The following BLOC1S5 variants were observed in gnomAD, a reference collection of about 807,000 sequenced individuals.
The protein encoded by BLOC1S5 is biogenesis of lysosomal organelles complex 1 subunit 5, also known as biogenesis of lysosome-related organelles complex 1 subunit 5.
BLOC1S5 carries 27 observed loss-of-function variants against 24.3 expected under a neutral mutation model. The observed-to-expected ratio is 1.11, with a 90% CI of 0.82 to 1.53. The LOEUF (loss-of-function observed/expected upper bound fraction) is 1.53. Ranked by LOEUF, BLOC1S5 falls within the 40% of genes most tolerant of loss-of-function variation. BLOC1S5 has a pLI of 0.00. For synonymous variants in BLOC1S5, 84 were observed against 74.5 expected (o/e 1.13, Z -0.66); for missense variants, 239 against 229.4 (o/e 1.04, Z -0.27).
At chr6:8,022,645 C>A (rs190489204) in intron 4 of BLOC1S5, among the ~76,000 whole-genome samples, 2 of 124,208 alleles carry the variant, frequency 1.6e-5, no homozygotes, top group Non-Finnish European at 3.1e-5. Context: ...AGTGCAGTGG[C>A]GGGATCTCGG....
chr6:8,054,660 A>AT (rs1216027418), intron 2 of BLOC1S5, among the ~76,000 whole-genome samples: 1 of 152,194 alleles, frequency 6.6e-6, no homozygotes, highest in Non-Finnish European at 1.5e-5. Flanking sequence ...GGACTTAGCC[A>AT]TTTTGTCTGG....
chr6:8,050,467 G>A (rs1764068392), intron 2 of BLOC1S5, among the ~76,000 whole-genome samples: 1 of 152,022 alleles, frequency 6.6e-6, no homozygotes, highest in Admixed American at 6.6e-5. Flanking sequence ...TAAATAAAGA[G>A]TCATAAATCT....
intron 4 of BLOC1S5, among the ~76,000 whole-genome samples, chr6:8,024,377 T>C (rs1288133795): frequency 1.3e-5 from 2 of 151,612 alleles, no homozygotes; most frequent in Non-Finnish European, 2.9e-5. Context: ...AATACAAAAA[T>C]TAGCTAGGAT....
chr6:8,046,145 C>T (rs974159367), intron 2 of BLOC1S5, among the ~76,000 whole-genome samples: 1 of 152,202 alleles, frequency 6.6e-6, no homozygotes, highest in African/African-American at 2.4e-5. Context: ...CCATACTATT[C>T]TCATGACAGT....
chr6:8,020,758 T>C (rs930206872), intron 4 of BLOC1S5, among the ~76,000 whole-genome samples: 2 of 152,186 alleles, frequency 1.3e-5, no homozygotes, highest in Non-Finnish European at 2.9e-5. Flanking sequence ...TAAAATGACT[T>C]GGAAACTGCC....
At chr6:8,053,401 A>G (rs1764198290) in intron 2 of BLOC1S5, among the ~76,000 whole-genome samples, 1 of 152,154 alleles carries the variant, frequency 6.6e-6, no homozygotes, top group Non-Finnish European at 1.5e-5. Flanking sequence ...TTCTGCAACC[A>G]CCACCCTGAT....
chr6:8,020,892 C>T (rs1248380934), intron 4 of BLOC1S5, among the ~76,000 whole-genome samples: 3 of 152,168 alleles, frequency 2.0e-5, no homozygotes, highest in African/African-American at 7.2e-5. Flanking sequence ...AGCAATTCTA[C>T]TGTTGGGCAT....
At chr6:8,016,325 C>A (rs79862512) in intron 4 of BLOC1S5, among the ~76,000 whole-genome samples, 36 of 140,626 alleles carry the variant, frequency 2.6e-4, no homozygotes, top group African/African-American at 4.4e-4. Flanking sequence ...GACTCCGTCT[C>A]AAAAAAAAAA....
At chr6:8,037,641 C>T (rs1284016018) in intron 3 of BLOC1S5, among the ~76,000 whole-genome samples, 1 of 152,098 alleles carries the variant, frequency 6.6e-6, no homozygotes, top group African/African-American at 2.4e-5. Flanking sequence ...TATACAGAAT[C>T]ACGAAAGACC....
intron 4 of BLOC1S5, among the ~76,000 whole-genome samples, chr6:8,017,407 C>CACACACACACACA (rs1554136933): frequency 6.6e-6 from 1 of 151,596 alleles, no homozygotes; most frequent in African/African-American, 2.4e-5. Flanking sequence ...CACACACACA[C>CACACACACACACA]CTACAAAGCA....
chr6:8,057,780 T>C (rs1011435585), intron 2 of BLOC1S5, among the ~76,000 whole-genome samples: 1 of 152,218 alleles, frequency 6.6e-6, no homozygotes, highest in Non-Finnish European at 1.5e-5. Context: ...CTCTTATAAT[T>C]ATTGCACTAT....
chr6:8,020,542 T>C (rs1561854027), intron 4 of BLOC1S5, among the ~76,000 whole-genome samples: 1 of 152,008 alleles, frequency 6.6e-6, no homozygotes, highest in East Asian at 1.9e-4. Context: ...CCCAGCTGAG[T>C]TTCTCTGGAA....
intron 2 of BLOC1S5, among the ~76,000 whole-genome samples, chr6:8,052,895 CAAAA>C (rs572772278): frequency 8.6e-6 from 1 of 115,702 alleles, no homozygotes; most frequent in Non-Finnish European, 1.8e-5. Flanking sequence ...GAGACTCTGT[CAAAA>C]AAAAAAAAAA....
At chr6:8,018,604 A>G (rs1015491651) in intron 4 of BLOC1S5, among the ~76,000 whole-genome samples, 1 of 152,198 alleles carries the variant, frequency 6.6e-6, no homozygotes, top group Non-Finnish European at 1.5e-5. Context: ...ACCTGTCACT[A>G]GTTGCATGAT....
chr6:8,031,904 T>C (rs1007735770), intron 3 of BLOC1S5, among the ~76,000 whole-genome samples: 7 of 152,156 alleles, frequency 4.6e-5, no homozygotes, highest in African/African-American at 9.7e-5. Context: ...GCTGGAATAA[T>C]TGGCATGCCA....
At chr6:8,048,962 C>T (rs1009700190) in intron 2 of BLOC1S5, among the ~76,000 whole-genome samples, 2 of 148,732 alleles carry the variant, frequency 1.3e-5, no homozygotes, top group Admixed American at 6.8e-5. Context: ...TGCAGTGAGT[C>T]GAGATCACAC....
chr6:8,047,338 G>C (rs1334158305), intron 2 of BLOC1S5, among the ~76,000 whole-genome samples: 1 of 151,926 alleles, frequency 6.6e-6, no homozygotes, highest in Non-Finnish European at 1.5e-5. Context: ...CTTCCAAGTA[G>C]CTGGGGCTAC....
chr6:8,026,556 T>G, intron 3 of BLOC1S5, 131 bp from the exon 4 acceptor site: 2 of 709,500 alleles, frequency 2.8e-6, no homozygotes, highest in South Asian at 3.8e-5. Flanking sequence ...GAACTGATAT[T>G]ATTTTGGTGG....
intron 3 of BLOC1S5, among the ~76,000 whole-genome samples, chr6:8,032,640 G>A (rs181347273): frequency 3.9e-5 from 6 of 152,224 alleles, no homozygotes; most frequent in Admixed American, 6.5e-5. Flanking sequence ...AATCAGGCAC[G>A]AGAAAGAAAT....
Sources: allele counts gnomAD v4.1 joint callset (sites outside exome capture counted in the v4.1 genomes callset), GRCh38; gene constraint gnomAD v4.1.1; transcripts MANE v1.5; gene names NCBI Gene and HGNC (gene_info 2026-07-23, HGNC 2026-07-21).